PLEKHG1: variants seen among roughly 807,000 people sequenced by gnomAD.
The protein encoded by PLEKHG1 is pleckstrin homology domain-containing family G member 1.
Under a neutral mutation model 100.8 loss-of-function variants are expected in PLEKHG1, and 44 were observed. The ratio of observed to expected loss-of-function variants is 0.44; its 90% CI spans 0.34 to 0.56. PLEKHG1 has a LOEUF of 0.56. Ranked by LOEUF, PLEKHG1 falls within the 20% of genes least tolerant of loss-of-function variation. The pLI is 0.01. For synonymous variants in PLEKHG1, 640 were observed against 662.5 expected (o/e 0.97, Z 0.52); for missense variants, 1,545 against 1,720.9 (o/e 0.90, Z 1.81).
chr6:150,603,008 G>C (rs1369708030), intron 1 of PLEKHG1, among the ~76,000 whole-genome samples: 2 of 149,786 alleles, frequency 1.3e-5, no homozygotes, highest in African/African-American at 2.5e-5. Flanking sequence ...GTGAACCCCG[G>C]GGGGCGGAGC....
intron 15 of PLEKHG1, among the ~76,000 whole-genome samples, chr6:150,839,055 G>T (rs983052563): frequency 6.6e-6 from 1 of 152,152 alleles, no homozygotes; most frequent in East Asian, 1.9e-4. Context: ...GACAAAAAAA[G>T]AATGATGGGA....
rs1389439859 is a variant in PLEKHG1, at chr6:150,831,009, A to G, written c.1898A>G (p.Asn633Ser). The G allele has an allele frequency of 6.2e-7, 1 of 1,614,120 alleles. No homozygotes were observed. The highest frequency in any genetic ancestry group is 8.5e-7 in the Non-Finnish European group (1 of 1,180,008). The stretch of plus-strand genomic sequence containing the variant: ...AGTGACAGAACTAGGGAACTGCAGA[A>G]CAGCCCCAAAACAGAAGGGCAGGAG... The change falls in exon 15 of 16, where the codon AAC becomes AGC. Residue 633 changes from asparagine (N) to serine (S), a missense_variant. Physicochemically the swap from Asn to Ser is conservative, Grantham distance 46 (BLOSUM62 1). Coordinates refer to ENST00000358517, the Ensembl canonical transcript of PLEKHG1. This position sits in a 1 kb window ranked among gnomAD's most constrained non-coding sequence, Gnocchi z 4.1.
intron 3 of PLEKHG1, among the ~76,000 whole-genome samples, chr6:150,671,557 C>T (rs573285676): frequency 3.2e-4 from 49 of 152,266 alleles, no homozygotes; most frequent in African/African-American, 1.1e-3. Flanking sequence ...CTCCATATGC[C>T]GGGCACTGTA....
chr6:150,784,582 T>C (rs1225776179), intron 3 of PLEKHG1, among the ~76,000 whole-genome samples: 1 of 152,108 alleles, frequency 6.6e-6, no homozygotes, highest in African/African-American at 2.4e-5. Flanking sequence ...GCAAAGGCTA[T>C]CATTAGGATG....
intron 3 of PLEKHG1, among the ~76,000 whole-genome samples, chr6:150,653,445 A>T (rs745862942): frequency 3.3e-5 from 5 of 152,128 alleles, no homozygotes; most frequent in Non-Finnish European, 7.3e-5. Context: ...TGCCAAAAAA[A>T]AAATAAAAGT....
chr6:150,609,676 T>TACC lies in PLEKHG1; in HGVS notation c.-204+9662_-204+9664dup, dbSNP rs371657159. Among the ~76,000 whole-genome samples, 1,101 of 152,246 alleles carry TACC rather than the reference T, an allele frequency of 7.2e-3. 9 individuals carry two copies. The highest frequency in any genetic ancestry group is 0.025 in the African/African-American group (1,044 of 41,548). ...TAACATAACCTGATGGATGCACAAT[T>TACC]ACCACTCTGCCTGCTGCGTAGGAAA... On this transcript the variant is annotated intron_variant, in intron 1 of 3. Coordinates refer to the PLEKHG1 transcript ENST00000367326.
intron 1 of PLEKHG1, among the ~76,000 whole-genome samples, chr6:150,603,099 A>T (rs1193456991): frequency 6.7e-5 from 10 of 148,242 alleles, no homozygotes; most frequent in African/African-American, 2.2e-4. Flanking sequence ...AAAAATAAAA[A>T]AAAAGAAAAG....
chr6:150,625,161 T>C (rs1354702516), intron 1 of PLEKHG1, among the ~76,000 whole-genome samples: 3 of 152,130 alleles, frequency 2.0e-5, no homozygotes, highest in Admixed American at 2.0e-4. Context: ...AAAAATGGAT[T>C]TTTTAAAAAC....
At chr6:150,656,341 C>G (rs1347541639) in intron 3 of PLEKHG1, among the ~76,000 whole-genome samples, 1 of 152,144 alleles carries the variant, frequency 6.6e-6, no homozygotes, top group African/African-American at 2.4e-5. Context: ...GAAGTAGCTC[C>G]TGTTCCTGTC....
chr6:150,750,959 C>T (rs1354581277), intron 2 of PLEKHG1, among the ~76,000 whole-genome samples: 1 of 152,228 alleles, frequency 6.6e-6, no homozygotes, highest in East Asian at 1.9e-4. Flanking sequence ...GTGTCTTCAT[C>T]TGTAACATGG....
At chr6:150,635,011 ATTAGT>A (rs1777932566) in intron 1 of PLEKHG1, among the ~76,000 whole-genome samples, 1 of 152,246 alleles carries the variant, frequency 6.6e-6, no homozygotes, top group South Asian at 2.1e-4. Flanking sequence ...TGGAAAAATA[ATTAGT>A]TCTCAAACCT....
chr6:150,790,760 G>A (rs1203213730), intron 4 of PLEKHG1, among the ~76,000 whole-genome samples: 1 of 152,186 alleles, frequency 6.6e-6, no homozygotes, highest in Non-Finnish European at 1.5e-5. Context: ...GGTGGCTCAT[G>A]CGTGTAATCC....
intron 1 of PLEKHG1, among the ~76,000 whole-genome samples, chr6:150,731,023 A>G (rs1275612564): frequency 6.6e-6 from 1 of 152,194 alleles, no homozygotes; most frequent in Non-Finnish European, 1.5e-5. Context: ...CTACAGTGAG[A>G]TCAACCTGAT....
chr6:150,720,096 A>T (rs1781604397), upstream of PLEKHG1, among the ~76,000 whole-genome samples: 1 of 152,210 alleles, frequency 6.6e-6, no homozygotes, highest in African/African-American at 2.4e-5. Flanking sequence ...AAGGGTTTTC[A>T]TCCTTTGAAA....
At chr6:150,762,367 T>C (rs1018261911) in intron 2 of PLEKHG1, among the ~76,000 whole-genome samples, 9 of 151,860 alleles carry the variant, frequency 5.9e-5, no homozygotes, top group Non-Finnish European at 2.9e-5. Context: ...TTTTTTTTTT[T>C]TTTGTATTTT....
At chr6:150,631,504 CAG>C (rs1214696028) in intron 1 of PLEKHG1, among the ~76,000 whole-genome samples, 1 of 152,176 alleles carries the variant, frequency 6.6e-6, no homozygotes, top group African/African-American at 2.4e-5. Context: ...TGGAGTCGGA[CAG>C]AGTCTTGTGG....
exon 16 of PLEKHG1, chr6:150,843,626 A>C (rs1355300495): frequency 5.3e-5 from 8 of 152,234 alleles, no homozygotes; most frequent in Non-Finnish European, 1.2e-4. Flanking sequence ...GAAAGTTAGT[A>C]ACGTCCATTA....
chr6:150,735,142 A>G (rs1782497464), intron 2 of PLEKHG1, among the ~76,000 whole-genome samples: 1 of 152,022 alleles, frequency 6.6e-6, no homozygotes, highest in Non-Finnish European at 1.5e-5. Context: ...ATGCTCCACC[A>G]CACCCAGCTA....
exon 15 of PLEKHG1, chr6:150,832,037 G>A (rs375843545): frequency 1.9e-6 from 3 of 1,614,052 alleles, no homozygotes; most frequent in Non-Finnish European, 1.7e-6. Flanking sequence ...AAAAAGCAGG[G>A]TGTTTATGAT....
Sources: gnomAD v4.1 joint callset for allele counts (sites outside exome capture counted in the v4.1 genomes callset) on GRCh38, gnomAD v4.1.1 for gene constraint, Gnocchi (gnomAD v3.1) non-coding constraint, MANE v1.5 for transcripts, NCBI Gene and HGNC (gene_info 2026-07-23, HGNC 2026-07-21) for gene names.